The following IL23R variants were observed in gnomAD, a reference collection of about 807,000 sequenced individuals.
The protein encoded by IL23R is interleukin 23 receptor.
In IL23R, 34 loss-of-function variants were observed where a neutral mutation model predicts 56.9. That is an observed-to-expected ratio of 0.60 (90% CI 0.45 to 0.80). The LOEUF (loss-of-function observed/expected upper bound fraction) is 0.80, where lower values mean the gene tolerates loss of function less well. Among genes scored for constraint, IL23R ranks in the 30% least tolerant of loss-of-function variants. IL23R has a pLI of 0.00. For missense variants in IL23R, 635 were observed against 730.0 expected (o/e 0.87, Z 1.50); for synonymous variants, 230 against 249.2 (o/e 0.92, Z 0.73).
downstream of IL23R, among the ~76,000 whole-genome samples, chr1:67,262,234 G>A (rs1157500431): frequency 2.6e-5 from 4 of 152,092 alleles, no homozygotes; most frequent in Non-Finnish European, 4.4e-5. Context: ...GCAGGCTTGG[G>A]GCTTATATCC....
chr1:67,219,493 G>A, intron 6 of IL23R, 81 bp from the exon 7 acceptor site: 1 of 1,289,800 alleles, frequency 7.8e-7, no homozygotes, highest in Non-Finnish European at 1.1e-6. Context: ...GAACATAATA[G>A]GTGTTCCATA....
intron 4 of IL23R, among the ~76,000 whole-genome samples, chr1:67,192,525 T>C (rs1647828680): frequency 6.6e-6 from 1 of 152,206 alleles, no homozygotes; most frequent in South Asian, 2.1e-4. Flanking sequence ...TCAATGTATA[T>C]CTGTGTCTAA....
chr1:67,189,464 G>A (rs17375018), intron 4 of IL23R, among the ~76,000 whole-genome samples: 44,571 of 151,968 alleles, frequency 0.29, 6,918 homozygotes, highest in Admixed American at 0.43. Context: ...AATTGATGGA[G>A]GCCAGATTAA....
chr1:67,221,930 G>A (rs1259409141), intron 7 of IL23R, among the ~76,000 whole-genome samples: 1 of 151,998 alleles, frequency 6.6e-6, no homozygotes, highest in Admixed American at 6.6e-5. Flanking sequence ...AGCACATTGG[G>A]AAATGGAGGC....
At chr1:67,158,890 C>CTATCACTATCAGTGATTGATAGTGAGAT (rs1646793226) in intron 1 of IL23R, among the ~76,000 whole-genome samples, 1 of 144,402 alleles carries the variant, frequency 6.9e-6, no homozygotes, top group Non-Finnish European at 1.5e-5. Context: ...GATAGTGAGA[C>CTATCACTATCAGTGATTGATAGTGAGAT]TATCACTATC....
At chr1:67,230,865 A>G (rs1651055449) in intron 7 of IL23R, among the ~76,000 whole-genome samples, 1 of 152,194 alleles carries the variant, frequency 6.6e-6, no homozygotes, top group Admixed American at 6.5e-5. Context: ...CCTTGGCCCG[A>G]TAATGTTGAA....
intron 7 of IL23R, among the ~76,000 whole-genome samples, chr1:67,223,546 T>C (rs1650433765): frequency 6.6e-6 from 1 of 152,182 alleles, no homozygotes; most frequent in Non-Finnish European, 1.5e-5. Context: ...TAAATCTCTT[T>C]GAAAATGTAC....
At chr1:67,213,272 T>C (rs1187768456) in intron 6 of IL23R, among the ~76,000 whole-genome samples, 9 of 152,172 alleles carry the variant, frequency 5.9e-5, no homozygotes, top group Non-Finnish European at 8.8e-5. Context: ...GGAAAGGGGA[T>C]CCAATGATGT....
chr1:67,164,636 T>C (rs907652312), upstream of IL23R, among the ~76,000 whole-genome samples: 2 of 50,486 alleles, frequency 4.0e-5, no homozygotes, highest in Admixed American at 2.6e-4. Flanking sequence ...TGTCACAAAA[T>C]AAAATAAAAT....
intron 4 of IL23R, among the ~76,000 whole-genome samples, chr1:67,194,151 T>C (rs906919074): frequency 3.9e-5 from 6 of 152,216 alleles, no homozygotes; most frequent in African/African-American, 1.4e-4. Flanking sequence ...TGTTCAGATA[T>C]CTGGAAGCTC....
rs575103458 is a variant in IL23R at position 67,199,072 on chromosome 1, G to T, written c.492-1665G>T. 7.6e-4 allele frequency among the ~76,000 whole-genome samples: 115 copies of T among 152,144 alleles called. 4 individuals carry two copies. The South Asian group carries it at 0.023, about 30-fold the overall frequency. ...TCATTTCCCACAAATCCTCCGTAAA[G>T]GTGCTAGACAGTCCCAGAGACCCTC... On this transcript the variant is annotated intron_variant, in intron 4 of 10. Transcript: ENST00000347310.
At position 67,182,911 on chromosome 1, in the gene IL23R, C is replaced by G. The variant is rs759049474; in HGVS notation, c.443C>G (p.Ala148Gly). 1.2e-6 allele frequency: 2 copies of G among 1,614,108 alleles called. No individual in the cohort carries two copies. The highest frequency in any genetic ancestry group is 1.7e-5 in the Admixed American group (1 of 60,030). The change falls in exon 4 of 11, where the codon GCT becomes GGT. Residue 148 changes from alanine to glycine, a missense_variant. Coordinates refer to ENST00000347310, the MANE Select transcript of IL23R (RefSeq NM_144701.3). The stretch of plus-strand genomic sequence containing the variant: ...GGCAACATGACTTGCACCTGGAATG[C>G]TGGGAAGCTCACCTACATAGACACA... The part of the protein sequence containing the change: ...YSGNMTCTWN[A>G]GKLTYIDTKY...
chr1:67,151,434 G>A (rs768704147), intron 1 of IL23R, among the ~76,000 whole-genome samples: 2 of 152,134 alleles, frequency 1.3e-5, no homozygotes, highest in Admixed American at 1.3e-4. Flanking sequence ...CTTTTGCTGT[G>A]CAGAAGATCT....
At chr1:67,244,082 A>T (rs1037167449) in intron 9 of IL23R, among the ~76,000 whole-genome samples, 7 of 151,772 alleles carry the variant, frequency 4.6e-5, no homozygotes, top group African/African-American at 1.7e-4. Flanking sequence ...TTTTTTTCAT[A>T]TGTTTGTTGG....
chr1:67,233,382 T>C (rs1035236756), intron 7 of IL23R, among the ~76,000 whole-genome samples: 6 of 150,340 alleles, frequency 4.0e-5, no homozygotes, highest in Non-Finnish European at 7.4e-5. Flanking sequence ...AAAAATCCGG[T>C]TTTGATTATG....
chr1:67,161,986 A>G (rs1157866005), upstream of IL23R, among the ~76,000 whole-genome samples: 2 of 152,148 alleles, frequency 1.3e-5, no homozygotes, highest in African/African-American at 4.8e-5. Context: ...GAGTGATTGA[A>G]CATTTCAAAG....
chr1:67,218,720 C>T (rs113434353), intron 6 of IL23R, among the ~76,000 whole-genome samples: 190 of 151,398 alleles, frequency 1.3e-3, no homozygotes, highest in Middle Eastern at 3.5e-3. Flanking sequence ...GCCCAGGAGA[C>T]CAGCCTGGGC....
intron 4 of IL23R, among the ~76,000 whole-genome samples, chr1:67,200,247 T>G (rs191007634): frequency 4.9e-4 from 74 of 152,216 alleles, no homozygotes; most frequent in African/African-American, 1.8e-3. Flanking sequence ...TTTCACCATG[T>G]TAGCCAGGAT....
chr1:67,243,306 G>C (rs1651973918), intron 9 of IL23R, among the ~76,000 whole-genome samples: 1 of 125,320 alleles, frequency 8.0e-6, no homozygotes, highest in Admixed American at 7.2e-5. Flanking sequence ...TTAGCATGCG[G>C]ATTTCTCTTT....
Sources: gnomAD v4.1 joint callset for allele counts (sites outside exome capture counted in the v4.1 genomes callset) on GRCh38, gnomAD v4.1.1 for gene constraint, MANE v1.5 for transcripts, NCBI Gene and HGNC (gene_info 2026-07-23, HGNC 2026-07-21) for gene names.